Variants in DCPH1 observed in about 807,000 individuals in gnomAD.
DCPH1 encodes damage control phosphatase 1, also known as damage-control phosphatase 1.
the DCPH1 span, among the ~76,000 whole-genome samples, chr6:151,456,913 G>A: frequency 6.6e-5 from 10 of 152,182 alleles, no homozygotes; most frequent in African/African-American, 1.7e-4. Flanking sequence ...CTGTATGCCC[G>A]TAATCACCAG....
chr6:151,464,338 T>G, the DCPH1 span: 1 of 597,946 alleles, frequency 1.7e-6, no homozygotes, highest in South Asian at 2.4e-5. Flanking sequence ...AAATGTTATA[T>G]CTAGTTTCTG....
the DCPH1 span, among the ~76,000 whole-genome samples, chr6:151,456,628 C>G: frequency 6.6e-6 from 1 of 152,144 alleles, no homozygotes; most frequent in Non-Finnish European, 1.5e-5. Context: ...TATACGCAAG[C>G]AAATTACCAT....
chr6:151,461,870 A>G, the DCPH1 span, among the ~76,000 whole-genome samples: 7 of 152,200 alleles, frequency 4.6e-5, no homozygotes, highest in Non-Finnish European at 1.0e-4. Context: ...ATGTTGCACA[A>G]TCACGGATGT....
At chr6:151,468,358 A>G in the DCPH1 span, 11 of 1,548,730 alleles carry the variant, frequency 7.1e-6, no homozygotes, top group Middle Eastern at 1.7e-4. Context: ...ACTGTGGGGA[A>G]ATAAGTGTGA....
the DCPH1 span, among the ~76,000 whole-genome samples, chr6:151,456,755 A>G: frequency 2.0e-5 from 3 of 152,160 alleles, no homozygotes; most frequent in African/African-American, 4.8e-5. Context: ...GATTCCAGCA[A>G]TTCTCCCAGT....
chr6:151,464,937 A>G, the DCPH1 span, among the ~76,000 whole-genome samples: 1 of 152,162 alleles, frequency 6.6e-6, no homozygotes, highest in Non-Finnish European at 1.5e-5. Flanking sequence ...CTCCCAGCTG[A>G]CTTGGGTGTG....
At chr6:151,464,395 C>A in the DCPH1 span, 1 of 1,227,320 alleles carries the variant, frequency 8.1e-7, no homozygotes, top group Non-Finnish European at 1.2e-6. Context: ...CTTTCAAGAA[C>A]TGCAGTTATC....
At chr6:151,456,102 G>C in the DCPH1 span, among the ~76,000 whole-genome samples, 1 of 152,198 alleles carries the variant, frequency 6.6e-6, no homozygotes, top group Non-Finnish European at 1.5e-5. Context: ...ATTTTTCTTA[G>C]TACAGAACAA....
At chr6:151,469,242 T>C in the DCPH1 span, 2 of 668,464 alleles carry the variant, frequency 3.0e-6, no homozygotes, top group Non-Finnish European at 4.9e-6. Context: ...TTGGTGCCCA[T>C]CTACGTGCAC....
chr6:151,460,496 C>T, the DCPH1 span, among the ~76,000 whole-genome samples: 1 of 151,368 alleles, frequency 6.6e-6, no homozygotes, highest in Non-Finnish European at 1.5e-5. Flanking sequence ...TATTAAAACT[C>T]TGGTGCAGGC....
At chr6:151,468,334 C>T in the DCPH1 span, 2 of 1,522,632 alleles carry the variant, frequency 1.3e-6, no homozygotes, top group African/African-American at 1.4e-5. Flanking sequence ...TGTACTTTTT[C>T]TTTTTCAGAT....
the DCPH1 span, among the ~76,000 whole-genome samples, chr6:151,461,930 A>G: frequency 6.6e-6 from 1 of 152,186 alleles, no homozygotes; most frequent in East Asian, 1.9e-4. Context: ...CCATCTTACA[A>G]TGGAGCCAGC....
chr6:151,458,005 G>T, the DCPH1 span, among the ~76,000 whole-genome samples: 1 of 152,254 alleles, frequency 6.6e-6, no homozygotes, highest in African/African-American at 2.4e-5. Context: ...TTCTAGTGGT[G>T]TCAATGGTGA....
the DCPH1 span, among the ~76,000 whole-genome samples, chr6:151,467,167 G>C: frequency 6.6e-6 from 1 of 151,450 alleles, no homozygotes; most frequent in South Asian, 2.1e-4. Context: ...CAGGAGAAAA[G>C]CTTGAACCCG....
the DCPH1 span, chr6:151,468,320 A>G: frequency 6.6e-7 from 1 of 1,504,446 alleles, no homozygotes; most frequent in South Asian, 1.3e-5. Flanking sequence ...AAGGGTGAAT[A>G]TTTTGTACTT....
chr6:151,462,459 T>C, the DCPH1 span, among the ~76,000 whole-genome samples: 1,318 of 152,370 alleles, frequency 8.6e-3, 20 homozygotes, highest in African/African-American at 0.03. Flanking sequence ...CTGGCTTCTT[T>C]CACTCATTTT....
chr6:151,454,250 T>A, the DCPH1 span, among the ~76,000 whole-genome samples: 4 of 152,208 alleles, frequency 2.6e-5, no homozygotes, highest in African/African-American at 9.7e-5. Context: ...ATCACTTTGC[T>A]AAGCGAGTTT....
chr6:151,453,007 C>G, the DCPH1 span, among the ~76,000 whole-genome samples: 1 of 152,360 alleles, frequency 6.6e-6, no homozygotes, highest in African/African-American at 2.4e-5. Flanking sequence ...TTATAGTCGT[C>G]ACGCTACTGA....
the DCPH1 span, chr6:151,464,528 T>C: frequency 1.2e-6 from 2 of 1,610,856 alleles, no homozygotes; most frequent in Non-Finnish European, 1.7e-6. Context: ...AATCCATCAT[T>C]GCTTTATGTA....
Sources: allele counts gnomAD v4.1 joint callset (sites outside exome capture counted in the v4.1 genomes callset), GRCh38; gene constraint gnomAD v4.1.1; transcripts MANE v1.5; gene names NCBI Gene and HGNC (gene_info 2026-07-23, HGNC 2026-07-21).